DNAAF9: variants seen among roughly 807,000 people sequenced by gnomAD.
The protein encoded by DNAAF9 is dynein axonemal assembly factor 9, also known as shulin.
Under a neutral mutation model 167.0 loss-of-function variants are expected in DNAAF9, and 90 were observed. That is an observed-to-expected ratio of 0.54 (90% CI 0.45 to 0.64). DNAAF9 has a LOEUF of 0.64. Ranked by LOEUF, DNAAF9 falls within the 30% of genes least tolerant of loss-of-function variation. The pLI, the probability that DNAAF9 is intolerant of heterozygous loss-of-function variation, is 0.00. For synonymous variants in DNAAF9, 491 were observed against 508.8 expected (o/e 0.96, Z 0.47); for missense variants, 1,315 against 1,442.2 (o/e 0.91, Z 1.43).
intron 1 of DNAAF9, among the ~76,000 whole-genome samples, chr20:3,393,023 T>C (rs2083847346): frequency 6.6e-6 from 1 of 152,192 alleles, no homozygotes; most frequent in Non-Finnish European, 1.5e-5. Context: ...ATAAAATATG[T>C]CACTGCTCTG....
At chr20:3,361,303 G>A (rs1175534854) in intron 6 of DNAAF9, among the ~76,000 whole-genome samples, 2 of 152,168 alleles carry the variant, frequency 1.3e-5, no homozygotes, top group Non-Finnish European at 2.9e-5. Flanking sequence ...TTTGGCCAAA[G>A]GTGGGAGTGG....
intron 25 of DNAAF9, among the ~76,000 whole-genome samples, chr20:3,293,766 T>A (rs2069012217): frequency 6.6e-6 from 1 of 150,866 alleles, no homozygotes; most frequent in African/African-American, 2.4e-5. Flanking sequence ...ATAACATGGG[T>A]GCCCTTCCCT....
intron 8 of DNAAF9, among the ~76,000 whole-genome samples, chr20:3,347,630 T>C (rs971875544): frequency 2.6e-5 from 4 of 152,126 alleles, no homozygotes; most frequent in Non-Finnish European, 5.9e-5. Context: ...GTGGAGTTTA[T>C]AAAATATGTA....
intron 3 of DNAAF9, among the ~76,000 whole-genome samples, chr20:3,378,215 A>G (rs779746323): frequency 2.6e-5 from 4 of 152,188 alleles, no homozygotes; most frequent in Non-Finnish European, 5.9e-5. Context: ...AGCACCAAAT[A>G]TGGCCAGTGA....
At chr20:3,404,513 T>C (rs2084029955) in intron 1 of DNAAF9, among the ~76,000 whole-genome samples, 1 of 152,336 alleles carries the variant, frequency 6.6e-6, no homozygotes, top group African/African-American at 2.4e-5. Context: ...CTCCATTCTT[T>C]CAATAGCTGA....
At chr20:3,339,702 A>G (rs1600816312) in intron 10 of DNAAF9, among the ~76,000 whole-genome samples, 2 of 152,160 alleles carry the variant, frequency 1.3e-5, no homozygotes, top group Admixed American at 6.5e-5. Flanking sequence ...GTGATCATCA[A>G]AAGTGTTTCT....
At chr20:3,353,870 T>A (rs544690464) in intron 7 of DNAAF9, among the ~76,000 whole-genome samples, 68 of 152,146 alleles carry the variant, frequency 4.5e-4, no homozygotes, top group African/African-American at 1.5e-3. Context: ...GATAGGCACT[T>A]TGTTACCCAA....
At chr20:3,297,989 A>G (rs1316421260) in intron 22 of DNAAF9, 40 bp downstream of exon 22, 1 of 1,545,862 alleles carries the variant, frequency 6.5e-7, no homozygotes, top group East Asian at 2.2e-5. Flanking sequence ...AGGGGGAAAA[A>G]AAAGTAGTAG....
chr20:3,387,987 G>A (rs2083773677), intron 1 of DNAAF9, among the ~76,000 whole-genome samples: 1 of 148,590 alleles, frequency 6.7e-6, no homozygotes, highest in South Asian at 2.1e-4. Context: ...GATCATCTGA[G>A]CCCAAGAGGT....
At chr20:3,329,270 T>A (rs1285855045) in intron 12 of DNAAF9, among the ~76,000 whole-genome samples, 2 of 152,116 alleles carry the variant, frequency 1.3e-5, no homozygotes, top group Non-Finnish European at 2.9e-5. Flanking sequence ...CAGGCTCAGA[T>A]GATCCTCCTG....
chr20:3,315,708 C>A lies in DNAAF9; in HGVS notation c.1590+27G>T. 1 of 1,574,388 alleles carries A rather than the reference C, an allele frequency of 6.4e-7. No homozygotes were observed. The highest frequency in any genetic ancestry group is 1.1e-5 in the South Asian group (1 of 90,338). On this transcript the variant is annotated intron_variant, in intron 19 of 36. Coordinates refer to ENST00000252032, the MANE Select transcript of DNAAF9 (RefSeq NM_001009984.3). This position sits in a 1 kb window ranked among gnomAD's most constrained non-coding sequence, Gnocchi z 4.1. ...TTACATTATTTTTTGATATAATGTT[C>A]ACACTGAGAATAAGAAGGCTGCTTA...
chr20:3,330,098 A>C (rs946915272), intron 12 of DNAAF9, among the ~76,000 whole-genome samples: 1 of 152,250 alleles, frequency 6.6e-6, no homozygotes, highest in African/African-American at 2.4e-5. Context: ...GAGTTACATC[A>C]TAAATGCATG....
At position 3,256,014 on chromosome 20, in the gene DNAAF9, C is replaced by T. The variant is rs1568559174; in HGVS notation, c.3253G>A (p.Ala1085Thr). Reference protein sequence around the residue: ...DSIKDWLRQSAKQKPQRKALK... With the variant: ...DSIKDWLRQSTKQKPQRKALK... ...TGGGCTCTGGAAACCACCTGCTTAG[C>T]TGACTGCCGCAGCCAGTCCTTGATG... Residue 1085 changes from alanine (A) to threonine (T), a missense_variant, in exon 34 of 37, where the codon GCT (alanine) becomes ACT (threonine). Coordinates refer to ENST00000252032, the MANE Select transcript of DNAAF9 (RefSeq NM_001009984.3). 6.2e-7 allele frequency: 1 copy of T among 1,611,944 alleles called. No individual in the cohort carries two copies. The highest frequency in any genetic ancestry group is 8.5e-7 in the Non-Finnish European group (1 of 1,179,054).
intron 21 of DNAAF9, among the ~76,000 whole-genome samples, chr20:3,299,108 T>C (rs2069137745): frequency 6.6e-6 from 1 of 151,828 alleles, no homozygotes; most frequent in Admixed American, 6.6e-5. Context: ...GGGGTTTCAC[T>C]ATGTTGGCCA....
chr20:3,295,894 G>T, intron 23 of DNAAF9: 1 of 1,287,216 alleles, frequency 7.8e-7, no homozygotes, highest in Non-Finnish European at 1.1e-6. Context: ...AGCCAGTGCC[G>T]TCAATTGAAT....
At chr20:3,347,125 GA>G (rs1042278966) in intron 8 of DNAAF9, among the ~76,000 whole-genome samples, 16 of 148,842 alleles carry the variant, frequency 1.1e-4, no homozygotes, top group Middle Eastern at 3.4e-3. Context: ...GCCAGAGGGG[GA>G]AAAAAAAAGG....
chr20:3,325,077 C>T, intron 13 of DNAAF9, 109 bp from the exon 14 acceptor site: 3 of 734,422 alleles, frequency 4.1e-6, no homozygotes, highest in Non-Finnish European at 7.5e-6. Context: ...CCATGCCCTA[C>T]AGTGTGTCCT....
At chr20:3,338,580 T>C (rs1354191733) in intron 10 of DNAAF9, among the ~76,000 whole-genome samples, 1 of 152,140 alleles carries the variant, frequency 6.6e-6, no homozygotes, top group Non-Finnish European at 1.5e-5. Context: ...TTTCCTTCTC[T>C]TTCTTCTTCA....
rs181319824 is a variant in DNAAF9, at chr20:3,275,986, G to A, written c.2650+2926C>T. 2.0e-5 allele frequency among the ~76,000 whole-genome samples: 3 copies of A among 152,286 alleles called. No individual in the cohort carries two copies. The East Asian group carries it at 5.8e-4, about 29-fold the overall frequency. ...GTATCTCCACTTTGCTCTCACACCA[G>A]CATTATAATGAGTCTTACTTGCTGT... On this transcript the variant is annotated intron_variant, in intron 29 of 36. Coordinates refer to ENST00000252032, the MANE Select transcript of DNAAF9 (RefSeq NM_001009984.3).
Sources: gnomAD v4.1 joint callset for allele counts (sites outside exome capture counted in the v4.1 genomes callset) on GRCh38, gnomAD v4.1.1 for gene constraint, Gnocchi (gnomAD v3.1) non-coding constraint, MANE v1.5 for transcripts, NCBI Gene and HGNC (gene_info 2026-07-23, HGNC 2026-07-21) for gene names.